PGAP6: variants seen among roughly 807,000 people sequenced by gnomAD.
PGAP6 encodes the protein post-GPI attachment to proteins factor 6.
In PGAP6, 62 loss-of-function variants were observed where a neutral mutation model predicts 68.4. That is an observed-to-expected ratio of 0.91 (90% CI 0.74 to 1.12). The LOEUF (loss-of-function observed/expected upper bound fraction) is 1.12, where lower values mean the gene tolerates loss of function less well. PGAP6 is among the 50% of genes most tolerant of loss of function. The probability of loss-of-function intolerance (pLI) is 0.00; values close to 1 mark genes in which losing one functional copy is unlikely to be tolerated. For synonymous variants in PGAP6, 575 were observed against 474.0 expected (o/e 1.21, Z -2.77); for missense variants, 1,188 against 1,068.5 (o/e 1.11, Z -1.56).
At chr16:373,979 C>T (rs2054356548) in intron 11 of PGAP6, 26 bp downstream of exon 11, 1 of 1,584,504 alleles carries the variant, frequency 6.3e-7, no homozygotes, top group Admixed American at 1.7e-5. Flanking sequence ...CCCCGGAGCC[C>T]ACACCCCACG....
upstream of PGAP6, among the ~76,000 whole-genome samples, chr16:383,111 G>A (rs2054458095): frequency 6.6e-6 from 1 of 151,440 alleles, no homozygotes; most frequent in South Asian, 2.1e-4. Context: ...GCGAGACTCC[G>A]TCTCAAAAAA....
chr16:377,355 T>G, intron 3 of PGAP6, 23 bp downstream of exon 3: 1 of 1,567,426 alleles, frequency 6.4e-7, no homozygotes, highest in African/African-American at 1.3e-5. Flanking sequence ...TCTGCCTCCA[T>G]CCCGGAGGGC....
At chr16:373,381 T>C (rs1219514197) in intron 11 of PGAP6, among the ~76,000 whole-genome samples, 3 of 152,136 alleles carry the variant, frequency 2.0e-5, no homozygotes, top group Admixed American at 1.3e-4. Context: ...CAAAGCATCA[T>C]TGGCCCCAAG....
chr16:372,121 G>A lies in PGAP6; in HGVS notation c.2182C>T (p.Leu728=), dbSNP rs758978937. ...AGCAAGGCTGCGCTCCCGGCCAGCA[G>A]GATGTGCCAGATGCTGTGGGTGTAG... ...YYYTHSIWHI[L]LAGSAALLLP... Residue 728 remains leucine, a synonymous_variant, in exon 13 of 13, where the codon CTG becomes TTG. Coordinates refer to ENST00000431232, the MANE Select transcript of PGAP6 (RefSeq NM_021259.3). 26 of 1,612,804 alleles carry A rather than the reference G, an allele frequency of 1.6e-5. No homozygotes were observed. The Admixed American group carries it at 3.8e-4, about 24-fold the overall frequency.
intron 11 of PGAP6, among the ~76,000 whole-genome samples, chr16:373,129 A>T (rs2141756364): frequency 6.6e-6 from 1 of 152,112 alleles, no homozygotes; most frequent in Non-Finnish European, 1.5e-5. Flanking sequence ...TCTCCATCAG[A>T]CACCTCTGCC....
At chr16:375,757 C>G (rs1322006573) in intron 6 of PGAP6, among the ~76,000 whole-genome samples, 8 of 152,054 alleles carry the variant, frequency 5.3e-5, no homozygotes, top group Non-Finnish European at 5.9e-5. Context: ...GTCCCAATCT[C>G]CTGACCTCGT....
At chr16:381,093 T>G (rs1307595123) in intron 1 of PGAP6, among the ~76,000 whole-genome samples, 1 of 152,130 alleles carries the variant, frequency 6.6e-6, no homozygotes, top group Admixed American at 6.5e-5. Flanking sequence ...GGAACAGAAA[T>G]GCAAAGGGAG....
upstream of PGAP6, chr16:386,807 C>G (rs754657201): frequency 1.2e-5 from 8 of 656,784 alleles, no homozygotes; most frequent in South Asian, 8.2e-5. Context: ...CTCCTGAAGC[C>G]GAAGCCAAAG....
chr16:371,920 C>A lies in PGAP6; in HGVS notation c.*67G>T, dbSNP rs372169854. On this transcript the variant is annotated 3_prime_UTR_variant, in exon 13 of 13. Transcript: ENST00000431232. ...TCAATCTGTCCAGGGCTGGACCAGG[C>A]GCCTCCCCCTCGATACAGCTCCTGG... 20 of 1,527,486 alleles carry A rather than the reference C, an allele frequency of 1.3e-5. No individual in the cohort carries two copies. The highest frequency in any genetic ancestry group is 1.6e-5 in the Non-Finnish European group (18 of 1,122,282). The allele number at this position is 1,527,486 out of a possible 1,614,324, so 94.6% of individuals were successfully genotyped here. A position where few individuals can be genotyped will look rare whatever the true frequency, so the allele number is the denominator to read the frequency against.
Position 376,453 on chromosome 16 carries a change from A to C in PGAP6, c.907T>G (p.Cys303Gly), listed in dbSNP as rs1230019374. 2 of 1,560,174 alleles carry C rather than the reference A, an allele frequency of 1.3e-6. No homozygotes were observed. The highest frequency in any genetic ancestry group is 1.7e-6 in the Non-Finnish European group (2 of 1,151,110). The change falls in exon 6 of 13, where the codon TGC (cysteine) becomes GGC (glycine). Residue 303 changes from cysteine to glycine, a missense_variant and splice_region_variant. Cys to Gly is a radical substitution (Grantham distance 159). Transcript: ENST00000431232. ...AFSAVAALTA[C>G]RPRSVTIQPL... The stretch of plus-strand genomic sequence containing the variant: ...TGGATGGTCACGCTCCGTGGCCTGC[A>C]AGCTGCCGAGAGGACAAGGGGTTTG...
rs2054384884 is a variant in PGAP6 at position 376,468 on chromosome 16, C to T, written c.905-13G>A. On this transcript the variant is annotated splice_polypyrimidine_tract_variant and intron_variant, in intron 5 of 12. Coordinates refer to ENST00000431232, the MANE Select transcript of PGAP6 (RefSeq NM_021259.3). ...CGTGGCCTGCAAGCTGCCGAGAGGA[C>T]AAGGGGTTTGGCTGGAGGAAAGTCT... 1 of 1,555,854 alleles carries T rather than the reference C, an allele frequency of 6.4e-7. No homozygotes were observed. The highest frequency in any genetic ancestry group is 1.4e-5 in the African/African-American group (1 of 73,782).
chr16:380,397 C>T (rs368593715), intron 1 of PGAP6, among the ~76,000 whole-genome samples: 38 of 150,134 alleles, frequency 2.5e-4, no homozygotes, highest in South Asian at 2.3e-3. Context: ...GATGGAGTCT[C>T]GCTCTGTTGT....
In PGAP6 at chr16:375,452, T is replaced by G. The variant is rs1597160171; in HGVS notation, c.1225-17A>C. 6.2e-7 allele frequency: 1 copy of G among 1,609,508 alleles called. No homozygotes were observed. Among genetic ancestry groups the G allele is most frequent in the South Asian group, 1.1e-5 (1 of 90,974 alleles). On this transcript the variant is annotated splice_polypyrimidine_tract_variant and intron_variant, in intron 6 of 12. Transcript: ENST00000431232. ...CATCTCTGTCTGGAAAGGGAGGCGG[T>G]GCCGGCTCAGCTCCAGCAGCCCCTG...
chr16:379,149 G>GCGGGACC (rs1479332960), intron 1 of PGAP6, among the ~76,000 whole-genome samples: 7 of 152,188 alleles, frequency 4.6e-5, no homozygotes, highest in Non-Finnish European at 1.0e-4. Flanking sequence ...ACAGCAGGGG[G>GCGGGACC]CGGGACCCTC....
intron 1 of PGAP6, 52 bp from the exon 2 acceptor site, chr16:377,900 A>G (rs1888774505): frequency 1.4e-6 from 2 of 1,473,036 alleles, no homozygotes; most frequent in Non-Finnish European, 9.2e-7. Flanking sequence ...CCAGGGCCGC[A>G]GATGGGGAGG....
chr16:382,585 C>T (rs1351677399), upstream of PGAP6: 1 of 268,118 alleles, frequency 3.7e-6, no homozygotes. Flanking sequence ...GGCATCAACT[C>T]CCGGCGCTTT....
intron 1 of PGAP6, among the ~76,000 whole-genome samples, chr16:378,225 G>GACTGCCTGACTGCCATCGCCACCCAC (rs2054405512): frequency 7.3e-5 from 1 of 13,766 alleles, no homozygotes; most frequent in Non-Finnish European, 1.8e-4. Context: ...TCGCCACCCT[G>GACTGCCTGACTGCCATCGCCACCCAC]ACTGCCATCG....
At chr16:374,510 G>A in intron 9 of PGAP6, 111 bp from the exon 10 acceptor site, 1 of 1,287,376 alleles carries the variant, frequency 7.8e-7, no homozygotes, top group Non-Finnish European at 1.0e-6. Context: ...GAGCAAGCAG[G>A]GTAGGCACGG....
In PGAP6 at chr16:371,800, C is replaced by G; in HGVS notation, c.*187G>C. 1 of 606,384 alleles carries G rather than the reference C, an allele frequency of 1.6e-6. No individual in the cohort carries two copies. Among genetic ancestry groups the G allele is most frequent in the Non-Finnish European group, 2.9e-6 (1 of 347,766 alleles). The allele number at this position is 606,384 out of a possible 1,614,324, so 37.6% of individuals were successfully genotyped here. On this transcript the variant is annotated 3_prime_UTR_variant, in exon 13 of 13. Transcript: ENST00000431232. ...CAGAGGGATCTCAGCAGCGAGCAGG[C>G]AGCTGGCGAGGAGAGGTGCGTGTGA...
Sources: allele counts gnomAD v4.1 joint callset (sites outside exome capture counted in the v4.1 genomes callset), GRCh38; gene constraint gnomAD v4.1.1; transcripts MANE v1.5; gene names NCBI Gene and HGNC (gene_info 2026-07-23, HGNC 2026-07-21).